The following PTPRT variants were observed in gnomAD, a reference collection of about 807,000 sequenced individuals.
The protein encoded by PTPRT is protein tyrosine phosphatase receptor type T, also known as receptor-type tyrosine-protein phosphatase T.
In PTPRT, 56 loss-of-function variants were observed where a neutral mutation model predicts 176.8. That is an observed-to-expected ratio of 0.32 (90% CI 0.26 to 0.40). PTPRT has a LOEUF of 0.40. Ranked by LOEUF, PTPRT falls within the 10% of genes least tolerant of loss-of-function variation. The pLI, the probability that PTPRT is intolerant of heterozygous loss-of-function variation, is 1.00. For synonymous variants in PTPRT, 783 were observed against 739.0 expected (o/e 1.06, Z -0.96); for missense variants, 1,540 against 1,908.2 (o/e 0.81, Z 3.60).
chr20:42,946,342 G>C (rs1980883852), intron 1 of PTPRT, among the ~76,000 whole-genome samples: 2 of 152,224 alleles, frequency 1.3e-5, no homozygotes, highest in African/African-American at 2.4e-5. Flanking sequence ...TCCAGCCCTG[G>C]CCAGTCCTGG....
intron 1 of PTPRT, among the ~76,000 whole-genome samples, chr20:43,070,553 T>C (rs950897032): frequency 4.6e-5 from 7 of 152,258 alleles, no homozygotes; most frequent in African/African-American, 1.2e-4. Context: ...CTATTCACAA[T>C]AGCAAAGACT....
chr20:42,550,196 C>T (rs2145610597), intron 7 of PTPRT, among the ~76,000 whole-genome samples: 1 of 152,244 alleles, frequency 6.6e-6, no homozygotes, highest in Non-Finnish European at 1.5e-5. Flanking sequence ...ACTTTCTTGC[C>T]ATAGGGGTAC....
chr20:43,122,363 G>C (rs6030663), intron 1 of PTPRT, among the ~76,000 whole-genome samples: 2,205 of 152,280 alleles, frequency 0.014, 61 homozygotes, highest in African/African-American at 0.049. Context: ...CGCTGTGACA[G>C]CTGTCAGCTA....
chr20:43,123,670 A>C lies in PTPRT; in HGVS notation c.88+65976T>G, dbSNP rs2013347386. On this transcript the variant is annotated intron_variant, in intron 1 of 30. Transcript: ENST00000373187. Reference sequence around the variant, plus strand: ...TGCCTCTTCTGTGACAAGTTTTACAAGAGGCAGAAATCAATTTTTATCTTG... The same window carrying C: ...TGCCTCTTCTGTGACAAGTTTTACACGAGGCAGAAATCAATTTTTATCTTG... Among the ~76,000 whole-genome samples, 3 of 152,224 alleles carry C rather than the reference A, an allele frequency of 2.0e-5. No individual in the cohort carries two copies. In the South Asian group the frequency reaches 6.2e-4, roughly 32 times the overall value.
chr20:43,011,935 C>T (rs1985149605), intron 1 of PTPRT, among the ~76,000 whole-genome samples: 1 of 152,192 alleles, frequency 6.6e-6, no homozygotes, highest in South Asian at 2.1e-4. Context: ...TTCCTGCCCT[C>T]GAACATCAGA....
intron 7 of PTPRT, among the ~76,000 whole-genome samples, chr20:42,614,988 A>C (rs1265421622): frequency 7.1e-6 from 1 of 141,280 alleles, no homozygotes; most frequent in Non-Finnish European, 1.5e-5. Context: ...CACATTGTGC[A>C]GGTTAGTTAC....
intron 7 of PTPRT, among the ~76,000 whole-genome samples, chr20:42,561,343 T>G (rs1360858831): frequency 6.6e-6 from 1 of 152,192 alleles, no homozygotes; most frequent in African/African-American, 2.4e-5. Context: ...GGGCCGGGAC[T>G]CTAGAAGGCA....
chr20:42,535,000 T>C (rs1299834249), intron 7 of PTPRT, among the ~76,000 whole-genome samples: 1 of 152,220 alleles, frequency 6.6e-6, no homozygotes, highest in East Asian at 1.9e-4. Flanking sequence ...AAGTGAGCCC[T>C]GCTGTTAATC....
At chr20:42,281,548 T>C (rs2057139163) in intron 13 of PTPRT, among the ~76,000 whole-genome samples, 1 of 152,212 alleles carries the variant, frequency 6.6e-6, no homozygotes. Flanking sequence ...TTTATGTTCC[T>C]CTGTGTGGTT....
chr20:42,918,609 C>T (rs757576432), intron 1 of PTPRT, among the ~76,000 whole-genome samples: 1 of 152,184 alleles, frequency 6.6e-6, no homozygotes, highest in Non-Finnish European at 1.5e-5. Context: ...CCCCCTTTTC[C>T]CATTGCAATC....
At chr20:42,263,310 C>T (rs1307450359) in intron 13 of PTPRT, among the ~76,000 whole-genome samples, 6 of 150,944 alleles carry the variant, frequency 4.0e-5, no homozygotes, top group Non-Finnish European at 7.4e-5. Flanking sequence ...GCCTCAACCT[C>T]CTGGGCTCAA....
At chr20:43,188,824 C>A (rs539697443) in intron 1 of PTPRT, among the ~76,000 whole-genome samples, 1 of 144,208 alleles carries the variant, frequency 6.9e-6, no homozygotes, top group South Asian at 2.3e-4. Context: ...GACTGTGGTG[C>A]CCTCCAGCAC....
intron 6 of PTPRT, among the ~76,000 whole-genome samples, chr20:42,691,303 T>C (rs915060510): frequency 1.3e-4 from 20 of 152,110 alleles, no homozygotes; most frequent in African/African-American, 4.8e-4. Flanking sequence ...GCAACCTGAG[T>C]CCAGGAAGCT....
intron 1 of PTPRT, among the ~76,000 whole-genome samples, chr20:43,183,276 G>C (rs1384560646): frequency 1.3e-5 from 2 of 152,210 alleles, no homozygotes; most frequent in Non-Finnish European, 2.9e-5. Context: ...AAACTAGCAA[G>C]AGATAAGTCA....
At chr20:42,854,801 G>C (rs1486873028) in intron 2 of PTPRT, among the ~76,000 whole-genome samples, 1 of 152,240 alleles carries the variant, frequency 6.6e-6, no homozygotes, top group Non-Finnish European at 1.5e-5. Flanking sequence ...GCAAGGGATT[G>C]CCTTCTTTGC....
chr20:43,085,036 T>A, intron 1 of PTPRT, among the ~76,000 whole-genome samples: 1 of 152,226 alleles, frequency 6.6e-6, no homozygotes, highest in Admixed American at 6.5e-5. Context: ...TACCAAAGCT[T>A]CCCTTCTGCT....
At chr20:42,068,120 A>C (rs1078394), downstream of PTPRT, among the ~76,000 whole-genome samples, 109,770 of 152,026 alleles carry the variant, frequency 0.72, 39,820 homozygotes, top group South Asian at 0.84. Context: ...TATCAGTCAA[A>C]GATTTCATTG....
At chr20:42,586,543 C>T (rs2073474004) in intron 7 of PTPRT, among the ~76,000 whole-genome samples, 1 of 152,098 alleles carries the variant, frequency 6.6e-6, no homozygotes, top group Non-Finnish European at 1.5e-5. Flanking sequence ...CCACTTTTTG[C>T]CACACTCAGA....
chr20:43,022,551 G>A (rs1403392728), intron 1 of PTPRT, among the ~76,000 whole-genome samples: 1 of 152,192 alleles, frequency 6.6e-6, no homozygotes, highest in Non-Finnish European at 1.5e-5. Flanking sequence ...AGAAGTAAAA[G>A]AGTAGGTCAA....
Sources: gnomAD v4.1 joint callset for allele counts (sites outside exome capture counted in the v4.1 genomes callset) on GRCh38, gnomAD v4.1.1 for gene constraint, MANE v1.5 for transcripts, NCBI Gene and HGNC (gene_info 2026-07-23, HGNC 2026-07-21) for gene names.